The following USP49 variants were observed in gnomAD, a reference collection of about 807,000 sequenced individuals.
USP49 encodes the protein ubiquitin carboxyl-terminal hydrolase 49.
USP49 carries 24 observed loss-of-function variants against 58.6 expected under a neutral mutation model. That is an observed-to-expected ratio of 0.41 (90% confidence interval 0.30 to 0.58). The LOEUF (loss-of-function observed/expected upper bound fraction) is 0.58, where lower values mean the gene tolerates loss of function less well. USP49 is among the 20% of genes least tolerant of loss of function. USP49 has a pLI of 0.30. For missense variants in USP49, 703 were observed against 866.1 expected (o/e 0.81, Z 2.36); for synonymous variants, 408 against 365.1 (o/e 1.12, Z -1.34).
At chr6:41,865,623 G>C (rs754675011) in intron 3 of USP49, among the ~76,000 whole-genome samples, 3 of 150,552 alleles carry the variant, frequency 2.0e-5, no homozygotes, top group Non-Finnish European at 4.4e-5. Context: ...TTATAGGCAT[G>C]AGCCACCATG....
intron 3 of USP49, among the ~76,000 whole-genome samples, chr6:41,823,014 A>C (rs995867049): frequency 6.6e-6 from 1 of 152,226 alleles, no homozygotes; most frequent in Non-Finnish European, 1.5e-5. Flanking sequence ...TCAGCCATAC[A>C]TGGAAACCAC....
At chr6:41,799,795 C>A in intron 6 of USP49, 35 bp downstream of exon 6, 1 of 1,589,390 alleles carries the variant, frequency 6.3e-7, no homozygotes, top group Non-Finnish European at 8.6e-7. Flanking sequence ...ATTCCCACAG[C>A]TCTCACCCAG....
chr6:41,868,043 C>T (rs1387119925), intron 3 of USP49, among the ~76,000 whole-genome samples: 2 of 152,170 alleles, frequency 1.3e-5, no homozygotes, highest in Non-Finnish European at 2.9e-5. Flanking sequence ...ATTCTCACTA[C>T]CCTAGTAAAC....
At chr6:41,877,377 A>C (rs1337269136) in intron 2 of USP49, among the ~76,000 whole-genome samples, 1 of 152,228 alleles carries the variant, frequency 6.6e-6, no homozygotes, top group Non-Finnish European at 1.5e-5. Context: ...CCTCACCATT[A>C]AACAGAAATG....
At chr6:41,828,727 T>C (rs1582007089) in intron 3 of USP49, among the ~76,000 whole-genome samples, 1 of 152,298 alleles carries the variant, frequency 6.6e-6, no homozygotes, top group Admixed American at 6.5e-5. Flanking sequence ...AATACAATCA[T>C]ATGACGCATC....
At chr6:41,861,944 C>T (rs920537789) in intron 3 of USP49, among the ~76,000 whole-genome samples, 17 of 152,140 alleles carry the variant, frequency 1.1e-4, no homozygotes, top group Admixed American at 9.8e-4. Flanking sequence ...TCAGGCAATC[C>T]GCCCACCTCG....
chr6:41,828,604 C>A (rs1773582965), intron 3 of USP49, among the ~76,000 whole-genome samples: 1 of 152,106 alleles, frequency 6.6e-6, no homozygotes, highest in Non-Finnish European at 1.5e-5. Flanking sequence ...GATTGGAGTT[C>A]TTTATATATT....
At chr6:41,813,721 C>G (rs772611429) in intron 3 of USP49, among the ~76,000 whole-genome samples, 1 of 152,298 alleles carries the variant, frequency 6.6e-6, no homozygotes. Context: ...GGCTACTTTG[C>G]ACCTCACCAT....
intron 3 of USP49, among the ~76,000 whole-genome samples, chr6:41,838,146 T>C (rs952728903): frequency 3.9e-5 from 6 of 152,206 alleles, no homozygotes; most frequent in African/African-American, 1.4e-4. Flanking sequence ...TAAAGACACA[T>C]GCATGCATAT....
chr6:41,804,905 C>T (rs1773082988), intron 4 of USP49, among the ~76,000 whole-genome samples: 2 of 152,092 alleles, frequency 1.3e-5, no homozygotes, highest in East Asian at 1.9e-4. Flanking sequence ...TGCGCCACCA[C>T]GCCCGGCTAA....
intron 2 of USP49, chr6:41,887,241 C>T (rs1774728174): frequency 6.6e-6 from 1 of 152,238 alleles, no homozygotes; most frequent in Admixed American, 6.5e-5. Flanking sequence ...TGGATAGATA[C>T]AAGCATCATA....
intron 2 of USP49, among the ~76,000 whole-genome samples, chr6:41,881,932 G>T (rs189940656): frequency 6.6e-6 from 1 of 151,782 alleles, no homozygotes; most frequent in Non-Finnish European, 1.5e-5. Flanking sequence ...CCAAAGCTTC[G>T]TAAATTAATC....
At position 41,853,999 on chromosome 6, in the gene USP49, C is replaced by CAAAAA. The variant is rs752353657; in HGVS notation, c.-29+17564_-29+17565insTTTTT. The stretch of plus-strand genomic sequence containing the variant: ...GGGCAACAACAGCGAGACTCTGTCT[C>CAAAAA]GAAAAAAAAAAAAAAAAAAAAAAAG... On this transcript the variant is annotated intron_variant, in intron 3 of 7. Transcript: ENST00000682992. Among the ~76,000 whole-genome samples, 83 of 58,780 alleles carry CAAAAA rather than the reference C, an allele frequency of 1.4e-3. 15 individuals carry two copies. The highest frequency in any genetic ancestry group is 1.9e-3 in the South Asian group (3 of 1,572). 38.6% of individuals were successfully genotyped at this position (58,780 alleles called of 152,430 possible). A position where few individuals can be genotyped will look rare whatever the true frequency, so the allele number is the denominator to read the frequency against.
In USP49 at chr6:41,806,276, G is replaced by T; in HGVS notation, c.708C>A (p.Pro236=). The T allele has an allele frequency of 6.2e-7, 1 of 1,603,578 alleles. No homozygotes were observed. The highest frequency in any genetic ancestry group is 8.5e-7 in the Non-Finnish European group (1 of 1,179,214). Residue 236 remains proline (P), a synonymous_variant, in exon 4 of 8, where the codon CCC becomes CCA. Transcript: ENST00000682992. The surrounding 1 kb of genome is among the most constrained non-coding windows in gnomAD (Gnocchi z 5.9). ...PAALPTSRRV[P]AATLKLRRQP... Reference sequence around the variant, plus strand: ...GGCGACGCAGCTTGAGTGTGGCGGCGGGCACTCTGCGTGAGGTAGGGAGGG... The same window carrying T: ...GGCGACGCAGCTTGAGTGTGGCGGCTGGCACTCTGCGTGAGGTAGGGAGGG...
At position 41,803,912 on chromosome 6, in the gene USP49, C is replaced by T. The variant is rs770888964; in HGVS notation, c.1455G>A (p.Gly485=). The change falls in exon 5 of 8, where the codon GGG becomes GGA. Residue 485 remains glycine, a synonymous_variant. Transcript: ENST00000682992. The surrounding 1 kb of genome is among the most constrained non-coding windows in gnomAD (Gnocchi z 4.1). ...ACTCTGTTTGATTCAAAGGGACAAA[C>T]CCCTTTTCTATGCAGTGATAGCGTT... ...FPERYHCIEK[G]FVPLNQTECL... 2.0e-5 allele frequency: 33 copies of T among 1,614,074 alleles called. No individual in the cohort carries two copies. In the South Asian group the frequency reaches 3.5e-4, roughly 17 times the overall value.
chr6:41,802,457 TTTA>T (rs1282008521), intron 5 of USP49, among the ~76,000 whole-genome samples: 35 of 80,382 alleles, frequency 4.4e-4, no homozygotes, highest in African/African-American at 1.1e-3. Context: ...TATTTATTTA[TTTA>T]TTTATTTATT....
intron 3 of USP49, among the ~76,000 whole-genome samples, chr6:41,813,216 C>T (rs1016746583): frequency 1.3e-5 from 2 of 152,132 alleles, no homozygotes; most frequent in East Asian, 1.9e-4. Flanking sequence ...TCCTTTCCTT[C>T]GAAAGATTCA....
chr6:41,815,187 G>A (rs1371560076), intron 3 of USP49, among the ~76,000 whole-genome samples: 3 of 152,114 alleles, frequency 2.0e-5, no homozygotes, highest in South Asian at 2.1e-4. Flanking sequence ...TTGGGAGGCC[G>A]AGACGGGAGG....
chr6:41,827,389 G>C (rs1773557944), intron 3 of USP49, among the ~76,000 whole-genome samples: 1 of 152,180 alleles, frequency 6.6e-6, no homozygotes, highest in Non-Finnish European at 1.5e-5. Flanking sequence ...GCCGGGCACA[G>C]TGGCTCACGC....
Sources: gnomAD v4.1 joint callset for allele counts (sites outside exome capture counted in the v4.1 genomes callset) on GRCh38, gnomAD v4.1.1 for gene constraint, Gnocchi (gnomAD v3.1) non-coding constraint, MANE v1.5 for transcripts, NCBI Gene and HGNC (gene_info 2026-07-23, HGNC 2026-07-21) for gene names.